The following KNL1 variants were observed in gnomAD, a reference collection of about 807,000 sequenced individuals.
The protein encoded by KNL1 is outer kinetochore KNL1 complex subunit KNL1.
In KNL1, 66 loss-of-function variants were observed where a neutral mutation model predicts 201.3. The ratio of observed to expected loss-of-function variants is 0.33; its 90% CI spans 0.27 to 0.40. The LOEUF is 0.40. Among genes scored for constraint, KNL1 ranks in the 10% least tolerant of loss-of-function variants. The pLI is 1.00. For missense variants in KNL1, 2,815 were observed against 2,690.5 expected, an observed-to-expected ratio of 1.05 and a Z score of -1.02; for synonymous variants, 895 against 899.2, an observed-to-expected ratio of 1.00 and a Z score of 0.08.
In KNL1 at chr15:40,645,562, G is replaced by A. The variant is rs1355290908; in HGVS notation, c.5890-94G>A. On this transcript the variant is annotated intron_variant, in intron 15 of 25. Coordinates refer to ENST00000399668, the MANE Select transcript of KNL1 (RefSeq NM_144508.5). ...TAAATTTGCAAATGACAAATATCCTGCCTTAGGATAGGCAAAGCCTAGCCT... is the reference window on the plus strand; with the variant it reads ...TAAATTTGCAAATGACAAATATCCTACCTTAGGATAGGCAAAGCCTAGCCT... 8.7e-6 allele frequency: 5 copies of A among 575,972 alleles called. No individual in the cohort carries two copies. In the East Asian group the frequency reaches 1.2e-4, roughly 13 times the overall value. The allele number at this position is 575,972 out of a possible 1,614,324, so 35.7% of individuals were successfully genotyped here. A position where few individuals can be genotyped will look rare whatever the true frequency, so the allele number is the denominator to read the frequency against.
intron 4 of KNL1, 35 bp from the exon 5 acceptor site, chr15:40,608,812 T>C: frequency 1.4e-6 from 2 of 1,463,460 alleles, no homozygotes; most frequent in Non-Finnish European, 1.9e-6. Flanking sequence ...ACAGTGATTT[T>C]ATTAAGAATT....
chr15:40,625,832 G>A (rs927635635), intron 10 of KNL1, 192 bp downstream of exon 10: 3 of 496,260 alleles, frequency 6.0e-6, no homozygotes, highest in Non-Finnish European at 1.1e-5. Context: ...AGACTTCAAA[G>A]CAATTTAAAG....
rs777932055 is a variant in KNL1 at position 40,622,524 on chromosome 15, A to G, written c.2260A>G (p.Ile754Val). The change falls in exon 10 of 26, where the codon ATA (isoleucine) becomes GTA (valine). Residue 754 changes from isoleucine (I) to valine (V), a missense_variant. By Grantham distance (29) the Ile-to-Val change is conservative (BLOSUM62 3). Transcript: ENST00000399668. Reference protein sequence around the residue: ...TPDYCHDKMIICSEEEQNMDL... With the variant: ...TPDYCHDKMIVCSEEEQNMDL... ...TGACTATTGCCATGACAAGATGATTATATGTTCAGAGGAAGAGCAAAATAT... is the reference window on the plus strand; with the variant it reads ...TGACTATTGCCATGACAAGATGATTGTATGTTCAGAGGAAGAGCAAAATAT... 63 of 1,613,914 alleles carry G rather than the reference A, an allele frequency of 3.9e-5. No homozygotes were observed. Among genetic ancestry groups the G allele is most frequent in the Middle Eastern group, 3.3e-4 (2 of 6,082 alleles).
intron 12 of KNL1, among the ~76,000 whole-genome samples, 175 bp downstream of exon 12, chr15:40,628,853 G>A (rs948461777): frequency 3.3e-5 from 5 of 151,990 alleles, no homozygotes; most frequent in African/African-American, 1.2e-4. Flanking sequence ...TTAATTAAAT[G>A]GAGTAGAAGT....
rs771329844 is a variant in KNL1 at position 40,624,347 on chromosome 15, T to C, written c.4083T>C (p.Pro1361=). ...LESEGQPLSA[P]CPLLEKEEVI... Reference sequence around the variant, plus strand: ...CTGAGGGACAGCCTCTCTCTGCTCCTTGTCCTTTGTTAGAGAAGGAAGAAG... The same window carrying C: ...CTGAGGGACAGCCTCTCTCTGCTCCCTGTCCTTTGTTAGAGAAGGAAGAAG... The change falls in exon 10 of 26, where the codon CCT becomes CCC. Residue 1361 remains proline, a synonymous_variant. Coordinates refer to ENST00000399668, the MANE Select transcript of KNL1 (RefSeq NM_144508.5). 1.9e-6 allele frequency: 3 copies of C among 1,613,946 alleles called. No homozygotes were observed. The highest frequency in any genetic ancestry group is 1.7e-4 in the Middle Eastern group (1 of 6,060).
In KNL1 at chr15:40,639,936, G is replaced by A. The variant is rs146419864; in HGVS notation, c.5683-976G>A. Among the ~76,000 whole-genome samples the A allele has an allele frequency of 7.6e-4, 115 of 152,166 alleles. No individual in the cohort carries two copies. In the East Asian group the frequency reaches 0.021, roughly 27 times the overall value. On this transcript the variant is annotated intron_variant, in intron 13 of 25. Coordinates refer to ENST00000399668, the MANE Select transcript of KNL1 (RefSeq NM_144508.5). ...CAAAAAATTTTAAAATTAGCCAGGC[G>A]TGGTGACACATCTGTAGTACTAGCT... is the stretch of plus-strand genomic sequence containing the variant.
At chr15:40,656,205 C>G (rs186004318) in intron 22 of KNL1, among the ~76,000 whole-genome samples, 1 of 151,404 alleles carries the variant, frequency 6.6e-6, no homozygotes, top group Non-Finnish European at 1.5e-5. Context: ...CCAAGGCGGG[C>G]GGATCACTGG....
In KNL1 at chr15:40,621,201, A is replaced by G. The variant is rs1892512492; in HGVS notation, c.937A>G (p.Ile313Val). Residue 313 changes from isoleucine (I) to valine (V), a missense_variant, in exon 10 of 26, where the codon ATT (isoleucine) becomes GTT (valine). Ile to Val is a conservative substitution (Grantham distance 29). Transcript: ENST00000399668. ...SRESKGNDIT[I>V]YGNDFMDLTF... is the part of the protein sequence containing the mutation. ...GGAATCTAAAGGTAATGATATTACA[A>G]TTTATGGCAATGACTTTATGGACTT... is the stretch of plus-strand genomic sequence containing the variant. 1 of 1,612,132 alleles carries G rather than the reference A, an allele frequency of 6.2e-7. No homozygotes were observed. Among genetic ancestry groups the G allele is most frequent in the South Asian group, 1.1e-5 (1 of 90,926 alleles).
rs538049095 is a variant in KNL1 at position 40,608,733 on chromosome 15, G to A, written c.136-114G>A. The A allele has an allele frequency of 9.3e-5, 62 of 663,942 alleles. 1 individual carries two copies. Among genetic ancestry groups the A allele is most frequent in the East Asian group, 6.1e-4 (21 of 34,372 alleles). The allele number at this position is 663,942 out of a possible 1,614,324, so 41.1% of individuals were successfully genotyped here. On this transcript the variant is annotated intron_variant, in intron 4 of 25. Transcript: ENST00000399668. ...GCACTCCAGTCTGGGCAACAAGAGC[G>A]AAACTCCATCTCAAAAAAAAAAAAA... is the stretch of plus-strand genomic sequence containing the variant.
chr15:40,610,328 C>G (rs763235658), intron 6 of KNL1, 31 bp downstream of exon 6: 3 of 1,230,518 alleles, frequency 2.4e-6, no homozygotes, highest in Non-Finnish European at 3.6e-6. Flanking sequence ...CCTGCTAAAT[C>G]TGCTTTTTAA....
Position 40,623,458 on chromosome 15 carries a change from G to A in KNL1, c.3194G>A (p.Arg1065Lys), listed in dbSNP as rs1292601595. 2 of 1,610,906 alleles carry A rather than the reference G, an allele frequency of 1.2e-6. No homozygotes were observed. Among genetic ancestry groups the A allele is most frequent in the African/African-American group, 2.7e-5 (2 of 74,516 alleles). ...NEPLSSKSQR[R>K]KSLKLKNDKT... ...CCTCTATCAAGCAAAAGTCAGAGAAGAAAAAGCCTTAAGCTAAAAAATGAC... is the reference window on the plus strand; with the variant it reads ...CCTCTATCAAGCAAAAGTCAGAGAAAAAAAAGCCTTAAGCTAAAAAATGAC... Residue 1065 changes from arginine (R) to lysine (K), a missense_variant, in exon 10 of 26, where the codon AGA becomes AAA. By Grantham distance (26) the Arg-to-Lys change is conservative. Coordinates refer to ENST00000399668, the MANE Select transcript of KNL1 (RefSeq NM_144508.5).
intron 7 of KNL1, among the ~76,000 whole-genome samples, chr15:40,614,870 TAAGC>T (rs1381472063): frequency 3.9e-5 from 6 of 152,116 alleles, no homozygotes; most frequent in Admixed American, 1.3e-4. Context: ...TTTGAAAAAA[TAAGC>T]AAGCAGTATA....
Position 40,629,186 on chromosome 15 carries a change from A to G in KNL1, c.5584-87A>G, listed in dbSNP as rs1294408335. On this transcript the variant is annotated intron_variant, in intron 12 of 25. Transcript: ENST00000399668. ...ATATTTCCATAAATGTATACAAGATACCTTAAGCTTTTAGAAACAAATGAA... is the reference window on the plus strand; with the variant it reads ...ATATTTCCATAAATGTATACAAGATGCCTTAAGCTTTTAGAAACAAATGAA... 1.1e-5 allele frequency: 8 copies of G among 695,712 alleles called. No homozygotes were observed. In the East Asian group the frequency reaches 2.0e-4, roughly 18 times the overall value. 43.1% of individuals were successfully genotyped at this position (695,712 alleles called of 1,614,324 possible).
rs1228259611 is a variant in KNL1, at chr15:40,623,044, A to C, written c.2780A>C (p.Lys927Thr). The C allele has an allele frequency of 6.2e-7, 1 of 1,613,884 alleles. No homozygotes were observed. Among genetic ancestry groups the C allele is most frequent in the African/African-American group, 1.3e-5 (1 of 74,914 alleles). The change falls in exon 10 of 26, where the codon AAA becomes ACA. Residue 927 changes from lysine to threonine, a missense_variant. Coordinates refer to ENST00000399668, the MANE Select transcript of KNL1 (RefSeq NM_144508.5). ...AGTCACACAACTGCCTTAGAATGTA[A>C]AACTGTCTCACCAGATGAAATAACT... ...TRSHTTALECKTVSPDEITTR... is the reference protein window; with the variant it reads ...TRSHTTALECTTVSPDEITTR...
intron 6 of KNL1, chr15:40,611,023 C>T (rs1892139475): frequency 3.7e-5 from 11 of 296,792 alleles, no homozygotes; most frequent in South Asian, 2.9e-4. Context: ...GCTAGGATTA[C>T]AGGCGTGAGC....
intron 16 of KNL1, 131 bp from the exon 17 acceptor site, chr15:40,646,856 C>CAA (rs146834597): frequency 0.011 from 1,995 of 189,568 alleles, 4 homozygotes; most frequent in South Asian, 0.017. Flanking sequence ...GACTCCGCCT[C>CAA]AAAAAAAAAA....
intron 5 of KNL1, among the ~76,000 whole-genome samples, chr15:40,609,366 G>A (rs1368578357): frequency 1.3e-5 from 2 of 152,112 alleles, no homozygotes; most frequent in Non-Finnish European, 2.9e-5. Flanking sequence ...AGTGAGCCAT[G>A]ATAGTGTCAT....
At chr15:40,597,970 G>C (rs1891668370) in intron 1 of KNL1, among the ~76,000 whole-genome samples, 1 of 152,090 alleles carries the variant, frequency 6.6e-6, no homozygotes, top group African/African-American at 2.4e-5. Flanking sequence ...AAGAGTTCGA[G>C]ACCAGCCTGA....
chr15:40,660,426 G>T (rs1893874153), intron 25 of KNL1, among the ~76,000 whole-genome samples: 1 of 152,012 alleles, frequency 6.6e-6, no homozygotes, highest in African/African-American at 2.4e-5. Context: ...CAGCACTCTG[G>T]GAGGCCGAGG....
Sources: gnomAD v4.1 joint callset for allele counts (sites outside exome capture counted in the v4.1 genomes callset) on GRCh38, gnomAD v4.1.1 for gene constraint, MANE v1.5 for transcripts, NCBI Gene and HGNC (gene_info 2026-07-23, HGNC 2026-07-21) for gene names.